The following ADAM23 variants were observed in gnomAD, a reference collection of about 807,000 sequenced individuals.
The protein encoded by ADAM23 is disintegrin and metalloproteinase domain-containing protein 23.
ADAM23 carries 33 observed loss-of-function variants against 120.1 expected under a neutral mutation model. That is an observed-to-expected ratio of 0.27 (90% CI 0.21 to 0.37). The LOEUF (loss-of-function observed/expected upper bound fraction) is 0.37. Among genes scored for constraint, ADAM23 ranks in the 10% least tolerant of loss-of-function variants. ADAM23 has a pLI of 1.00. For missense variants in ADAM23, 862 were observed against 1,058.2 expected (o/e 0.81, Z 2.57); for synonymous variants, 367 against 375.2 (o/e 0.98, Z 0.25).
intron 3 of ADAM23, among the ~76,000 whole-genome samples, chr2:206,504,213 T>C (rs1183006826): frequency 1.3e-5 from 2 of 152,162 alleles, no homozygotes; most frequent in Admixed American, 1.3e-4. Context: ...ATTTTTTTGA[T>C]AGAATGTATT....
At chr2:206,528,081 CGTT>C (rs1319162321) in intron 3 of ADAM23, among the ~76,000 whole-genome samples, 10 of 152,210 alleles carry the variant, frequency 6.6e-5, no homozygotes, top group Non-Finnish European at 1.3e-4. Context: ...ATTAAGATAA[CGTT>C]GTTTCCAACT....
intron 23 of ADAM23, 152 bp downstream of exon 23, chr2:206,595,057 T>TGA (rs1207824905): frequency 6.4e-6 from 6 of 933,216 alleles, no homozygotes; most frequent in Non-Finnish European, 9.4e-6. Context: ...GGTGGGCACC[T>TGA]GTAGTCCCAG....
At chr2:206,587,540 A>G (rs534925988) in intron 19 of ADAM23, among the ~76,000 whole-genome samples, 165 bp downstream of exon 19, 18 of 151,974 alleles carry the variant, frequency 1.2e-4, no homozygotes, top group Non-Finnish European at 2.1e-4. Flanking sequence ...GCCAAATATT[A>G]AATATATTTA....
chr2:206,444,819 A>C (rs1377316698), intron 1 of ADAM23, among the ~76,000 whole-genome samples: 1 of 152,242 alleles, frequency 6.6e-6, no homozygotes, highest in East Asian at 1.9e-4. Context: ...GAGTCGATTA[A>C]TATTCGGTAT....
rs142768853 is a variant in ADAM23 at position 206,464,483 on chromosome 2, G to A, written c.433-16749G>A. On this transcript the variant is annotated intron_variant, in intron 2 of 25. Coordinates refer to ENST00000264377, the MANE Select transcript of ADAM23 (RefSeq NM_003812.4). ...TCAGCTACTTGGGAGGCTGAGGCAG[G>A]ATAATCACTTGAACCCAGGAGGCGG... Among the ~76,000 whole-genome samples, 819 of 152,044 alleles carry A rather than the reference G, an allele frequency of 5.4e-3. 17 individuals are homozygous for A. Among genetic ancestry groups the A allele is most frequent in the African/African-American group, 0.019 (790 of 41,474 alleles).
chr2:206,498,436 C>G (rs1696306685), intron 3 of ADAM23, among the ~76,000 whole-genome samples: 1 of 152,134 alleles, frequency 6.6e-6, no homozygotes, highest in African/African-American at 2.4e-5. Context: ...GCTGGGAAAA[C>G]TGGCTACCCA....
chr2:206,523,769 A>G (rs1274596487), intron 3 of ADAM23, among the ~76,000 whole-genome samples: 1 of 152,218 alleles, frequency 6.6e-6, no homozygotes, highest in Non-Finnish European at 1.5e-5. Flanking sequence ...TATTGAGTTT[A>G]AATTTTGTGT....
At chr2:206,561,281 C>G in intron 12 of ADAM23, 69 bp downstream of exon 12, 1 of 1,316,432 alleles carries the variant, frequency 7.6e-7, no homozygotes, top group East Asian at 2.3e-5. Flanking sequence ...CAGTTTACAT[C>G]CTTTCTCGTG....
intron 10 of ADAM23, 108 bp downstream of exon 10, chr2:206,557,606 T>G: frequency 9.7e-7 from 1 of 1,030,540 alleles, no homozygotes; most frequent in Non-Finnish European, 1.5e-6. Flanking sequence ...AACACAATCC[T>G]GAAGCTCATC....
intron 2 of ADAM23, among the ~76,000 whole-genome samples, chr2:206,463,483 G>A (rs990934911): frequency 6.6e-6 from 1 of 152,248 alleles, no homozygotes; most frequent in Non-Finnish European, 1.5e-5. Flanking sequence ...ACCTCCAGAA[G>A]TGTAAGATGA....
intron 4 of ADAM23, among the ~76,000 whole-genome samples, chr2:206,540,661 C>T (rs551997443): frequency 1.3e-5 from 2 of 152,010 alleles, no homozygotes; most frequent in African/African-American, 4.8e-5. Flanking sequence ...CTGCTAAGTT[C>T]GTATGGGGGG....
chr2:206,595,041 CGTG>C, intron 23 of ADAM23, 136 bp downstream of exon 23: 2 of 1,129,560 alleles, frequency 1.8e-6, no homozygotes, highest in South Asian at 3.2e-5. Context: ...AATAGCTGGG[CGTG>C]GTGGTGGGCA....
At chr2:206,612,354 T>C (rs1698842378) in intron 25 of ADAM23, among the ~76,000 whole-genome samples, 2 of 152,226 alleles carry the variant, frequency 1.3e-5, no homozygotes, top group Non-Finnish European at 1.5e-5. Context: ...TATTTGCTAT[T>C]TGAACTGAAA....
At chr2:206,615,067 A>G (rs1400517087) in intron 25 of ADAM23, among the ~76,000 whole-genome samples, 2 of 152,212 alleles carry the variant, frequency 1.3e-5, no homozygotes, top group African/African-American at 2.4e-5. Flanking sequence ...AATGATAAGA[A>G]TGTGCTAACC....
intron 23 of ADAM23, 37 bp downstream of exon 23, chr2:206,594,942 G>C (rs1329931736): frequency 6.2e-7 from 1 of 1,607,378 alleles, no homozygotes; most frequent in Non-Finnish European, 8.5e-7. Flanking sequence ...GAACCTTCAT[G>C]GTCTGGCATG....
intron 4 of ADAM23, among the ~76,000 whole-genome samples, chr2:206,534,708 A>C (rs948947326): frequency 6.6e-6 from 1 of 152,224 alleles, no homozygotes; most frequent in African/African-American, 2.4e-5. Flanking sequence ...CATATTTGTA[A>C]GTGCTTACTA....
At chr2:206,543,972 G>C (rs865896439) in intron 6 of ADAM23, among the ~76,000 whole-genome samples, 33 of 152,192 alleles carry the variant, frequency 2.2e-4, no homozygotes, top group Admixed American at 2.2e-3. Context: ...GACTTTGGAG[G>C]CTCGGGAAAG....
rs1335536144 is a variant in ADAM23, at chr2:206,565,025, GACTGCA to G, written c.1352_1357del (p.Asp451_Thr453delinsAla). On this transcript the variant is annotated inframe_deletion, in exon 14 of 26. Transcript: ENST00000264377. ...TTATTGTTTTATTGGACCAGAATGT[GACTGCA>G]CAGAATCCTGGGGTGGCTGCATCAT... 1 of 1,613,900 alleles carries G rather than the reference GACTGCA, an allele frequency of 6.2e-7. No individual in the cohort carries two copies. The highest frequency in any genetic ancestry group is 8.5e-7 in the Non-Finnish European group (1 of 1,179,970).
chr2:206,521,426 A>G (rs1696839950), intron 3 of ADAM23, among the ~76,000 whole-genome samples: 1 of 152,098 alleles, frequency 6.6e-6, no homozygotes, highest in African/African-American at 2.4e-5. Flanking sequence ...TATTAAAGGA[A>G]CTATGCTTCT....
Sources: allele counts gnomAD v4.1 joint callset (sites outside exome capture counted in the v4.1 genomes callset), GRCh38; gene constraint gnomAD v4.1.1; transcripts MANE v1.5; gene names NCBI Gene and HGNC (gene_info 2026-07-23, HGNC 2026-07-21).